The following KCNMA1 variants were observed in gnomAD, a reference collection of about 807,000 sequenced individuals.
KCNMA1 encodes the protein Calcium-activated potassium channel subunit alpha-1.
Under a neutral mutation model 140.0 loss-of-function variants are expected in KCNMA1, and 29 were observed. That is an observed-to-expected ratio of 0.21 (90% confidence interval 0.15 to 0.28). KCNMA1 has a LOEUF of 0.28. KCNMA1 is among the 10% of genes least tolerant of loss of function. The pLI, the probability that KCNMA1 is intolerant of heterozygous loss-of-function variation, is 1.00. For synonymous variants in KCNMA1, 612 were observed against 611.9 expected (o/e 1.00, Z 0.00); for missense variants, 880 against 1,602.2 (o/e 0.55, Z 7.70).
chr10:77,301,851 G>A (rs144345750), intron 2 of KCNMA1, among the ~76,000 whole-genome samples: 322 of 150,382 alleles, frequency 2.1e-3, no homozygotes, highest in Non-Finnish European at 3.4e-3. Flanking sequence ...AGTAATGGAA[G>A]CATCTCACAA....
rs903661565 is a variant in KCNMA1 at position 76,889,744 on chromosome 10, A to G, written c.3343-175T>C. The G allele has an allele frequency of 4.2e-5, 28 of 664,986 alleles. No individual in the cohort carries two copies. The Admixed American group carries it at 5.9e-4, about 14-fold the overall frequency. The allele number at this position is 664,986 out of a possible 1,614,324, so 41.2% of individuals were successfully genotyped here. ...TCAACATGTTTAACAGACTACACCC[A>G]ATATGTGTGATTTTTAGGGATCAGG... On this transcript the variant is annotated intron_variant, in intron 26 of 27. Coordinates refer to ENST00000286628, the MANE Select transcript of KCNMA1 (RefSeq NM_001161352.2).
chr10:77,625,020 G>A (rs2092267303), intron 1 of KCNMA1, among the ~76,000 whole-genome samples: 2 of 152,054 alleles, frequency 1.3e-5, no homozygotes, highest in African/African-American at 4.8e-5. Context: ...TCATCTCCTG[G>A]AGGGGGAATT....
intron 2 of KCNMA1, among the ~76,000 whole-genome samples, chr10:77,385,554 G>A (rs183324820): frequency 7.2e-4 from 109 of 152,368 alleles, no homozygotes; most frequent in Admixed American, 1.6e-3. Context: ...TCTATAGCCT[G>A]TGCTCTTAAC....
rs2057000942 is a variant in KCNMA1, at chr10:77,240,515, CA to C, written c.602+10679del. 8.5e-5 allele frequency among the ~76,000 whole-genome samples: 13 copies of C among 152,274 alleles called. No individual in the cohort carries two copies. In the South Asian group the frequency reaches 2.7e-3, roughly 32 times the overall value. ...TCAGGGAGCACAGCCAATTCAAGAC[CA>C]GAAAGAGAGACAGTTTAGAATAGAG... On this transcript the variant is annotated intron_variant, in intron 3 of 27. Coordinates refer to ENST00000286628, the MANE Select transcript of KCNMA1 (RefSeq NM_001161352.2).
intron 1 of KCNMA1, among the ~76,000 whole-genome samples, chr10:77,478,929 C>T (rs1033829959): frequency 3.9e-5 from 6 of 152,034 alleles, no homozygotes; most frequent in South Asian, 2.1e-4. Flanking sequence ...ATGCTGATAA[C>T]GTAATGTTAA....
chr10:76,915,838 C>T (rs1026169647), intron 23 of KCNMA1, among the ~76,000 whole-genome samples: 1 of 152,052 alleles, frequency 6.6e-6, no homozygotes, highest in Non-Finnish European at 1.5e-5. Flanking sequence ...TTTTAATTTA[C>T]TGAGCACGGT....
chr10:77,637,538 G>T lies in KCNMA1; in HGVS notation c.105C>A (p.Ser35Arg). The T allele has an allele frequency of 6.5e-7, 1 of 1,549,312 alleles. No individual in the cohort carries two copies. Among genetic ancestry groups the T allele is most frequent in the Middle Eastern group, 1.7e-4 (1 of 5,968 alleles). Residue 35 changes from serine to arginine, a missense_variant, in exon 1 of 28, where the codon AGC becomes AGA. Around this residue, in one of 13 missense-constraint regions of KCNMA1, gnomAD observed 94 missense variants for 92.4 expected, o/e 1.02. Coordinates refer to ENST00000286628, the MANE Select transcript of KCNMA1 (RefSeq NM_001161352.2). Reference sequence around the variant, plus strand: ...AGGAGGAGGAGGAGGACGCGTCTAGGCTGAGATGGTTCGCGTGGATATTGC... The same window carrying T: ...AGGAGGAGGAGGAGGACGCGTCTAGTCTGAGATGGTTCGCGTGGATATTGC... Reference protein sequence around the residue: ...MSSNIHANHLSLDASSSSSSS... With the variant: ...MSSNIHANHLRLDASSSSSSS...
chr10:77,547,447 CA>C (rs2061692915), intron 1 of KCNMA1, among the ~76,000 whole-genome samples: 2 of 152,178 alleles, frequency 1.3e-5, no homozygotes, highest in Non-Finnish European at 2.9e-5. Context: ...TTTAGGAAGA[CA>C]GGGAGGGAGG....
chr10:77,300,253 T>G (rs1052077765), intron 2 of KCNMA1, among the ~76,000 whole-genome samples: 1 of 152,208 alleles, frequency 6.6e-6, no homozygotes, highest in Non-Finnish European at 1.5e-5. Context: ...AGCAACAGCC[T>G]TGGATCTCAC....
chr10:77,217,464 G>C (rs749904047), intron 3 of KCNMA1: 4 of 456,348 alleles, frequency 8.8e-6, no homozygotes, highest in South Asian at 6.2e-5. Context: ...ATGTATTAAA[G>C]GAATAGGAAT....
At chr10:77,620,236 G>A (rs1015800648) in intron 1 of KCNMA1, among the ~76,000 whole-genome samples, 4 of 152,130 alleles carry the variant, frequency 2.6e-5, no homozygotes, top group African/African-American at 4.8e-5. Context: ...ACCACAGCCT[G>A]CCAGCCTCAG....
chr10:77,421,819 G>T (rs2096872748), intron 1 of KCNMA1, among the ~76,000 whole-genome samples: 1 of 152,206 alleles, frequency 6.6e-6, no homozygotes, highest in Non-Finnish European at 1.5e-5. Context: ...GTTCACAGAT[G>T]TATCTCTCCA....
chr10:77,625,559 T>C (rs1603638933), intron 1 of KCNMA1, among the ~76,000 whole-genome samples: 3 of 152,330 alleles, frequency 2.0e-5, no homozygotes, highest in Admixed American at 2.0e-4. Flanking sequence ...CTACTTTCTG[T>C]TTCTATGAGT....
At chr10:76,941,016 A>G (rs1322820226) in intron 23 of KCNMA1, among the ~76,000 whole-genome samples, 1 of 55,448 alleles carries the variant, frequency 1.8e-5, no homozygotes, top group Non-Finnish European at 3.7e-5. Flanking sequence ...GAAGGAAGGA[A>G]GGAAGAAAGA....
At chr10:77,464,602 T>C (rs1162540044) in intron 1 of KCNMA1, among the ~76,000 whole-genome samples, 1 of 152,144 alleles carries the variant, frequency 6.6e-6, no homozygotes, top group Non-Finnish European at 1.5e-5. Flanking sequence ...ACTACTGCAC[T>C]TGAGAAATGT....
chr10:77,515,492 G>T, intron 1 of KCNMA1, among the ~76,000 whole-genome samples: 1 of 152,152 alleles, frequency 6.6e-6, no homozygotes, highest in East Asian at 1.9e-4. Context: ...AGCACGTTCA[G>T]AGGTCGCTAT....
intron 2 of KCNMA1, among the ~76,000 whole-genome samples, chr10:77,270,609 C>T (rs1410953836): frequency 6.6e-6 from 1 of 151,518 alleles, no homozygotes; most frequent in Non-Finnish European, 1.5e-5. Flanking sequence ...GCAACCTCTG[C>T]CTCCTGGGTT....
chr10:76,983,244 T>G (rs1189359369), intron 19 of KCNMA1, among the ~76,000 whole-genome samples: 1 of 152,258 alleles, frequency 6.6e-6, no homozygotes, highest in Non-Finnish European at 1.5e-5. Flanking sequence ...TCAATAACAT[T>G]TCAAGATGTT....
intron 1 of KCNMA1, among the ~76,000 whole-genome samples, chr10:77,451,745 C>G (rs968278278): frequency 4.6e-5 from 7 of 152,180 alleles, no homozygotes; most frequent in African/African-American, 1.7e-4. Flanking sequence ...AGTCTGCCAG[C>G]TACAGTCCTA....
Sources: allele counts gnomAD v4.1 joint callset (sites outside exome capture counted in the v4.1 genomes callset), GRCh38; gene constraint gnomAD v4.1.1; regional missense constraint gnomAD v4.1.1; transcripts MANE v1.5; gene names NCBI Gene and HGNC (gene_info 2026-07-23, HGNC 2026-07-21).